The following IGBP1 variants were observed in gnomAD, a reference collection of about 807,000 sequenced individuals.
IGBP1 encodes the protein immunoglobulin-binding protein 1.
IGBP1 carries 2 observed loss-of-function variants against 25.9 expected under a neutral mutation model. The ratio of observed to expected loss-of-function variants is 0.08; its 90% CI spans 0.03 to 0.24. The LOEUF (loss-of-function observed/expected upper bound fraction) is 0.24. IGBP1 is among the 10% of genes least tolerant of loss of function. The probability of loss-of-function intolerance (pLI) is 1.00; values close to 1 mark genes in which losing one functional copy is unlikely to be tolerated. For synonymous variants in IGBP1, 96 were observed against 93.4 expected (o/e 1.03, Z -0.16); for missense variants, 187 against 260.4 (o/e 0.72, Z 1.94).
chrX:70,133,920 A>G lies in IGBP1; in HGVS notation c.-28A>G. 1 of 1,194,184 alleles carries G rather than the reference A, an allele frequency of 8.4e-7. No homozygotes were observed. Among genetic ancestry groups the G allele is most frequent in the South Asian group, 1.8e-5 (1 of 56,009 alleles). On this transcript the variant is annotated 5_prime_UTR_variant, in exon 2 of 7. Coordinates refer to ENST00000356413, the MANE Select transcript of IGBP1 (RefSeq NM_001551.3). ...AAGGTTGCCTTTGACCCCGGAAAAG[A>G]GATCTTCCGGGTTCCTCTCTCCCCA...
intron 3 of IGBP1, among the ~76,000 whole-genome samples, chrX:70,135,308 A>G (rs967003566): frequency 9.0e-6 from 1 of 111,691 alleles, no homozygotes; most frequent in African/African-American, 3.3e-5. Context: ...TTGTTTTTTA[A>G]ACAACATTTA....
intron 6 of IGBP1, among the ~76,000 whole-genome samples, chrX:70,152,401 CAG>C (rs2085208676): frequency 9.0e-6 from 1 of 111,559 alleles, no homozygotes; most frequent in Admixed American, 9.5e-5. Flanking sequence ...AGGAATGAAA[CAG>C]AATTCGGAAT....
Position 70,142,583 on chromosome X carries a change from CTGAGGCAGGAGGGTCATT to C in IGBP1, c.483-4038_483-4021del, listed in dbSNP as rs1330227436. ...CCTTTAATCGCAGCACTTTGGGAGG[CTGAGGCAGGAGGGTCATT>C]TGAGGCAGGAGTTCAAGATCAGCCT... On this transcript the variant is annotated intron_variant, in intron 3 of 6. Transcript: ENST00000356413. Among the ~76,000 whole-genome samples, 6 of 110,356 alleles carry C rather than the reference CTGAGGCAGGAGGGTCATT, an allele frequency of 5.4e-5. No individual in the cohort carries two copies. The Admixed American group carries it at 5.8e-4, about 11-fold the overall frequency.
chrX:70,162,552 G>C (rs2085276201), intron 6 of IGBP1, among the ~76,000 whole-genome samples: 2 of 112,478 alleles, frequency 1.8e-5, no homozygotes, highest in African/African-American at 6.5e-5. Context: ...CACAGAAACT[G>C]TATTAATGTA....
chrX:70,155,272 G>A (rs749903068), intron 6 of IGBP1, among the ~76,000 whole-genome samples: 158 of 111,647 alleles, frequency 1.4e-3, no homozygotes, highest in African/African-American at 4.9e-3. Flanking sequence ...CAAGGCAGGC[G>A]GATCATGAGG....
chrX:70,151,212 C>T (rs61630014), intron 6 of IGBP1, among the ~76,000 whole-genome samples: 15,383 of 111,350 alleles, frequency 0.14, 1,965 homozygotes, highest in African/African-American at 0.41. Flanking sequence ...CGGCCCACCT[C>T]GGCCTCCCAA....
chrX:70,140,213 C>T (rs1426608160), intron 3 of IGBP1, among the ~76,000 whole-genome samples: 1 of 112,216 alleles, frequency 8.9e-6, no homozygotes, highest in African/African-American at 3.2e-5. Flanking sequence ...GGGCACAAGC[C>T]ATTTCTTGTT....
At chrX:70,134,411 C>A in intron 2 of IGBP1, 112 bp from the exon 3 acceptor site, 2 of 809,293 alleles carry the variant, frequency 2.5e-6, no homozygotes, top group Non-Finnish European at 3.6e-6. Context: ...GTTCCCCGTG[C>A]CTCCTCCCTC....
In IGBP1 at chrX:70,148,547, CTCTT is replaced by C. The variant is rs1201251588; in HGVS notation, c.679-204_679-201del. On this transcript the variant is annotated intron_variant, in intron 4 of 6. Coordinates refer to ENST00000356413, the MANE Select transcript of IGBP1 (RefSeq NM_001551.3). ...GTGACATGATTCCTGGGAGAACTTT[CTCTT>C]TCTTTCTTTTTTGCAAGGTACTCAG... 2.0e-4 allele frequency: 79 copies of C among 401,371 alleles called. No individual in the cohort carries two copies. The South Asian group carries it at 2.6e-3, about 13-fold the overall frequency. The allele number at this position is 401,371 out of a possible 1,213,427, so 33.1% of individuals were successfully genotyped here.
At position 70,148,857 on chromosome X, in the gene IGBP1, A is replaced by G. The variant is rs753607395; in HGVS notation, c.758+17A>G. 5 of 1,110,847 alleles carry G rather than the reference A, an allele frequency of 4.5e-6. No homozygotes were observed. The highest frequency in any genetic ancestry group is 6.2e-6 in the Non-Finnish European group (5 of 805,523). The allele number at this position is 1,110,847 out of a possible 1,213,427, so 91.5% of individuals were successfully genotyped here. A position where few individuals can be genotyped will look rare whatever the true frequency, so the allele number is the denominator to read the frequency against. Reference sequence around the variant, plus strand: ...TCAAGCCAAGTAGGTAGTACTAGAAAGTTTGCTTTGCAGCCCTCTGCTTTT... The same window carrying G: ...TCAAGCCAAGTAGGTAGTACTAGAAGGTTTGCTTTGCAGCCCTCTGCTTTT... On this transcript the variant is annotated intron_variant, in intron 5 of 6. Coordinates refer to ENST00000356413, the MANE Select transcript of IGBP1 (RefSeq NM_001551.3).
chrX:70,157,258 TA>T (rs1331476496), intron 6 of IGBP1, among the ~76,000 whole-genome samples: 2 of 35,022 alleles, frequency 5.7e-5, no homozygotes, highest in Non-Finnish European at 1.0e-4. Context: ...GGTTTTACCT[TA>T]ACAAGGGTGG....
intron 6 of IGBP1, among the ~76,000 whole-genome samples, chrX:70,160,473 G>A (rs1307437974): frequency 8.9e-6 from 1 of 111,829 alleles, no homozygotes; most frequent in East Asian, 2.8e-4. Context: ...GAAACTCAGA[G>A]GGAAAAAAAT....
At position 70,156,303 on chromosome X, in the gene IGBP1, A is replaced by AT. The variant is rs1282330877; in HGVS notation, c.871+5981_871+5982insT. On this transcript the variant is annotated intron_variant, in intron 6 of 6. Transcript: ENST00000356413. ...TCAATTTGTTAAAAAAAAAAAAAAA[A>AT]AAAAAAGTCTCTGCAAAGCACAATA... 2.9e-4 allele frequency among the ~76,000 whole-genome samples: 32 copies of AT among 109,214 alleles called. No individual in the cohort carries two copies. The East Asian group carries it at 7.2e-3, about 25-fold the overall frequency. 94.8% of individuals were successfully genotyped at this position (109,214 alleles called of 115,157 possible).
intron 3 of IGBP1, among the ~76,000 whole-genome samples, chrX:70,141,391 C>T (rs1399620977): frequency 9.1e-6 from 1 of 110,429 alleles, no homozygotes; most frequent in Non-Finnish European, 1.9e-5. Context: ...CTTAAAGGAG[C>T]CTGGAAAAGA....
Position 70,134,556 on chromosome X carries a change from C to G in IGBP1, c.222C>G (p.Thr74=). The G allele has an allele frequency of 8.3e-7, 1 of 1,211,421 alleles. No individual in the cohort carries two copies. The highest frequency in any genetic ancestry group is 1.8e-5 in the South Asian group (1 of 56,960). ...RNEDLEEIAS[T]DLKYLLVPAF... Reference sequence around the variant, plus strand: ...AAGATTTGGAAGAGATTGCTTCCACCGACCTGAAGTACCTTTTGGTGCCAG... The same window carrying G: ...AAGATTTGGAAGAGATTGCTTCCACGGACCTGAAGTACCTTTTGGTGCCAG... The change falls in exon 3 of 7, where the codon ACC becomes ACG. Residue 74 remains threonine (T), a synonymous_variant. Coordinates refer to ENST00000356413, the MANE Select transcript of IGBP1 (RefSeq NM_001551.3).
chrX:70,141,297 A>G (rs190907752), intron 3 of IGBP1, among the ~76,000 whole-genome samples: 1 of 110,142 alleles, frequency 9.1e-6, no homozygotes, highest in African/African-American at 3.3e-5. Context: ...CCATGAGCCA[A>G]GATTGCGCCA....
In IGBP1 at chrX:70,134,507, C is replaced by CT; in HGVS notation, c.189-11dup. 2.5e-6 allele frequency: 3 copies of CT among 1,208,109 alleles called. No homozygotes were observed. Among genetic ancestry groups the CT allele is most frequent in the Non-Finnish European group, 3.4e-6 (3 of 893,644 alleles). On this transcript the variant is annotated splice_polypyrimidine_tract_variant and intron_variant, in intron 2 of 6. Transcript: ENST00000356413. Reference sequence around the variant, plus strand: ...ATGCCTAGTCAGGCTTCACTGCCTCCTTTTTGCTCTTCCAGCCGAAATGAA... The same window carrying CT: ...ATGCCTAGTCAGGCTTCACTGCCTCCTTTTTTGCTCTTCCAGCCGAAATGAA...
intron 4 of IGBP1, among the ~76,000 whole-genome samples, chrX:70,148,000 A>G: frequency 8.9e-6 from 1 of 112,032 alleles, no homozygotes; most frequent in East Asian, 2.8e-4. Flanking sequence ...GTGCTTTTCA[A>G]GCATTTTGAG....
chrX:70,142,610 G>A (rs1483310543), intron 3 of IGBP1, among the ~76,000 whole-genome samples: 1 of 109,953 alleles, frequency 9.1e-6, no homozygotes, highest in African/African-American at 3.3e-5. Context: ...TTTGAGGCAG[G>A]AGTTCAAGAT....
Sources: allele counts gnomAD v4.1 joint callset (sites outside exome capture counted in the v4.1 genomes callset), GRCh38; gene constraint gnomAD v4.1.1; transcripts MANE v1.5; gene names NCBI Gene and HGNC (gene_info 2026-07-23, HGNC 2026-07-21).